KLHL13: variants seen among roughly 807,000 people sequenced by gnomAD.
The protein encoded by KLHL13 is kelch-like protein 13.
A neutral mutation model predicts 37.1 loss-of-function variants in KLHL13; 10 were observed. The ratio of observed to expected loss-of-function variants is 0.27; its 90% CI spans 0.17 to 0.46. KLHL13 has a LOEUF of 0.46. Ranked by LOEUF, KLHL13 falls within the 20% of genes least tolerant of loss-of-function variation. The probability of loss-of-function intolerance (pLI) is 1.00; values close to 1 mark genes in which losing one functional copy is unlikely to be tolerated. For missense variants in KLHL13, 360 were observed against 509.3 expected, an observed-to-expected ratio of 0.71 and a Z score of 2.82; for synonymous variants, 163 against 181.2, an observed-to-expected ratio of 0.90 and a Z score of 0.81.
intron 1 of KLHL13, among the ~76,000 whole-genome samples, chrX:118,007,481 G>A (rs1315697406): frequency 9.1e-6 from 1 of 110,229 alleles, no homozygotes; most frequent in Non-Finnish European, 1.9e-5. Context: ...TAATGTGCCA[G>A]GGAAAAAGAA....
chrX:118,083,075 C>A (rs924746846), intron 1 of KLHL13, among the ~76,000 whole-genome samples: 1 of 111,776 alleles, frequency 8.9e-6, no homozygotes. Context: ...TTGTTCCATA[C>A]AAATTGTAAG....
chrX:118,104,507 G>A (rs1050352292), intron 1 of KLHL13, among the ~76,000 whole-genome samples: 4 of 111,937 alleles, frequency 3.6e-5, no homozygotes, highest in African/African-American at 3.2e-5. Flanking sequence ...TTAGAACTAA[G>A]ATCAATACCT....
At chrX:118,088,802 A>C (rs1048705023) in intron 1 of KLHL13, among the ~76,000 whole-genome samples, 36 of 111,845 alleles carry the variant, frequency 3.2e-4, no homozygotes, top group African/African-American at 9.1e-4. Flanking sequence ...TATGGCTAAC[A>C]ATCATGGATA....
intron 1 of KLHL13, among the ~76,000 whole-genome samples, chrX:118,089,588 AAGAGAGAG>A (rs199722513): frequency 6.2e-5 from 5 of 80,185 alleles, no homozygotes; most frequent in African/African-American, 2.0e-4. Context: ...AAGAAAAGAA[AAGAGAGAG>A]AGAGAGAGAG....
chrX:118,034,031 G>A, intron 1 of KLHL13, among the ~76,000 whole-genome samples: 1 of 102,668 alleles, frequency 9.7e-6, no homozygotes. Context: ...AATTCAACAA[G>A]AAGAGCTAAC....
intron 1 of KLHL13, among the ~76,000 whole-genome samples, chrX:118,053,501 G>A (rs1047344442): frequency 6.3e-5 from 7 of 110,410 alleles, no homozygotes; most frequent in Non-Finnish European, 1.1e-4. Flanking sequence ...GGGGTGGGGC[G>A]AGGTGGGAGG....
chrX:118,011,912 A>G (rs1349890797), intron 1 of KLHL13, among the ~76,000 whole-genome samples: 1 of 112,609 alleles, frequency 8.9e-6, no homozygotes, highest in Non-Finnish European at 1.9e-5. Flanking sequence ...CTCAATGAGC[A>G]TAAATTATAC....
chrX:118,091,789 A>C (rs1475988683), intron 1 of KLHL13, among the ~76,000 whole-genome samples: 1 of 111,298 alleles, frequency 9.0e-6, no homozygotes. Flanking sequence ...AATATACCCA[A>C]GAAAATCCAC....
chrX:117,926,885 C>CTT (rs10596292), intron 2 of KLHL13, among the ~76,000 whole-genome samples: 341 of 26,150 alleles, frequency 0.013, 110 homozygotes, highest in Non-Finnish European at 0.02. Context: ...CCCCCTACTT[C>CTT]TTTTTTTTTT....
intron 1 of KLHL13, among the ~76,000 whole-genome samples, chrX:118,116,030 G>A (rs2055464234): frequency 8.9e-6 from 1 of 112,296 alleles, no homozygotes; most frequent in Admixed American, 9.4e-5. Flanking sequence ...AGGAAGAAGA[G>A]GAGTGTGCTC....
At chrX:118,066,612 T>C (rs1020680848) in intron 1 of KLHL13, among the ~76,000 whole-genome samples, 26 of 111,362 alleles carry the variant, frequency 2.3e-4, no homozygotes, top group Admixed American at 1.8e-3. Flanking sequence ...ATGAAAAACA[T>C]GATCTACGAA....
At chrX:118,051,753 TC>T (rs1569303470) in intron 1 of KLHL13, among the ~76,000 whole-genome samples, 2 of 110,436 alleles carry the variant, frequency 1.8e-5, no homozygotes, top group South Asian at 7.8e-4. Context: ...ACAATCAAAT[TC>T]CCTAAAAGAG....
In KLHL13 at chrX:118,094,407, C is replaced by G. The variant is rs141446330; in HGVS notation, c.-56+22101G>C. 9.0e-3 allele frequency among the ~76,000 whole-genome samples: 999 copies of G among 111,307 alleles called. 13 individuals are homozygous for G. The highest frequency in any genetic ancestry group is 0.031 in the African/African-American group (943 of 30,629). On this transcript the variant is annotated intron_variant, in intron 1 of 6. Coordinates refer to the KLHL13 transcript ENST00000371882. ...GGATTATGTGAAAAGACCAAATCTA[C>G]GTCTGATTGGTGTACCTGAAAGTGA...
intron 1 of KLHL13, among the ~76,000 whole-genome samples, chrX:118,028,179 G>C (rs1413397390): frequency 9.0e-6 from 1 of 111,210 alleles, no homozygotes; most frequent in East Asian, 2.8e-4. Flanking sequence ...TGTATTCCAG[G>C]TGCTCATAAT....
intron 1 of KLHL13, among the ~76,000 whole-genome samples, chrX:118,000,217 C>T (rs1410243791): frequency 9.0e-6 from 1 of 111,382 alleles, no homozygotes; most frequent in Non-Finnish European, 1.9e-5. Context: ...CAAATGCAGC[C>T]GGGAGGACTT....
At chrX:117,974,611 C>T (rs781027975), upstream of KLHL13, among the ~76,000 whole-genome samples, 3 of 111,548 alleles carry the variant, frequency 2.7e-5, no homozygotes, top group Non-Finnish European at 5.7e-5. Flanking sequence ...AGCATGAAAT[C>T]AACTAACATA....
chrX:117,910,501 T>C (rs1327334704), intron 4 of KLHL13, among the ~76,000 whole-genome samples: 2 of 105,621 alleles, frequency 1.9e-5, no homozygotes, highest in Non-Finnish European at 3.9e-5. Flanking sequence ...AATCCACTTC[T>C]TAGTCATTAT....
At position 118,032,210 on chromosome X, in the gene KLHL13, C is replaced by A. The variant is rs771192998; in HGVS notation, c.-56+84298G>T. Reference sequence around the variant, plus strand: ...GGCTTGCTTAGGTAAACAAAGCAGCCAGGAAGCTTGAACTGGTTGGAGCCC... The same window carrying A: ...GGCTTGCTTAGGTAAACAAAGCAGCAAGGAAGCTTGAACTGGTTGGAGCCC... On this transcript the variant is annotated intron_variant, in intron 1 of 6. Transcript: ENST00000371882. 5.9e-3 allele frequency among the ~76,000 whole-genome samples: 660 copies of A among 111,197 alleles called. 6 individuals carry two copies. Among genetic ancestry groups the A allele is most frequent in the Non-Finnish European group, 9.2e-3 (486 of 53,066 alleles).
intron 6 of KLHL13, among the ~76,000 whole-genome samples, chrX:117,900,356 A>G (rs1234857765): frequency 8.9e-6 from 1 of 112,139 alleles, no homozygotes; most frequent in Non-Finnish European, 1.9e-5. Flanking sequence ...ATTGTTTTGA[A>G]AATCAGCTAT....
Sources: gnomAD v4.1 joint callset for allele counts (sites outside exome capture counted in the v4.1 genomes callset) on GRCh38, gnomAD v4.1.1 for gene constraint, MANE v1.5 for transcripts, NCBI Gene and HGNC (gene_info 2026-07-23, HGNC 2026-07-21) for gene names.